Variants in LAMC2 observed in about 807,000 individuals in gnomAD.
LAMC2 encodes the protein laminin subunit gamma-2.
Under a neutral mutation model 140.2 loss-of-function variants are expected in LAMC2, and 97 were observed. The observed-to-expected ratio is 0.69, with a 90% CI of 0.59 to 0.82. The LOEUF (loss-of-function observed/expected upper bound fraction) is 0.82, where lower values mean the gene tolerates loss of function less well. Ranked by LOEUF, LAMC2 falls within the 40% of genes least tolerant of loss-of-function variation. The pLI is 0.00. For missense variants in LAMC2, 1,402 were observed against 1,476.1 expected (o/e 0.95, Z 0.82); for synonymous variants, 513 against 540.2 (o/e 0.95, Z 0.70).
intron 1 of LAMC2, among the ~76,000 whole-genome samples, chr1:183,196,894 G>A (rs2102174725): frequency 6.6e-6 from 1 of 152,338 alleles, no homozygotes; most frequent in South Asian, 2.1e-4. Context: ...GTATGTGAAT[G>A]AATGGAAGAG....
chr1:183,223,988 A>G (rs1272821458), intron 7 of LAMC2, among the ~76,000 whole-genome samples: 1 of 152,166 alleles, frequency 6.6e-6, no homozygotes. Flanking sequence ...ATAAAGATGG[A>G]ACATGGTCTT....
chr1:183,238,221 C>T (rs1282408943), intron 18 of LAMC2, 86 bp from the exon 19 acceptor site: 11 of 953,254 alleles, frequency 1.2e-5, no homozygotes, highest in Non-Finnish European at 1.7e-5. Context: ...TCACAATGAT[C>T]TGCTGTCATG....
chr1:183,252,773 A>C, the LAMC2 span: 17 of 1,530,126 alleles, frequency 1.1e-5, no homozygotes, highest in South Asian at 4.5e-5. Flanking sequence ...AATCAGATGG[A>C]CATCCACACC....
At position 183,244,576 on chromosome 1, in the gene LAMC2, A is replaced by G. The variant is rs970620137; in HGVS notation, c.*1176A>G. Reference sequence around the variant, plus strand: ...TAAACTTACAAACTTTGTTTGTCACAAGTGGTGTTTATTGCAATAACCGCT... The same window carrying G: ...TAAACTTACAAACTTTGTTTGTCACGAGTGGTGTTTATTGCAATAACCGCT... On this transcript the variant is annotated 3_prime_UTR_variant, in exon 23 of 23. Coordinates refer to ENST00000264144, the MANE Select transcript of LAMC2 (RefSeq NM_005562.3). The G allele has an allele frequency of 6.5e-6, 1 of 152,676 alleles. No homozygotes were observed. Among genetic ancestry groups the G allele is most frequent in the Admixed American group, 6.5e-5 (1 of 15,284 alleles). 9.5% of individuals were successfully genotyped at this position (152,676 alleles called of 1,614,324 possible).
At chr1:183,248,186 A>G (rs1660278651), downstream of LAMC2, 1 of 152,696 alleles carries the variant, frequency 6.5e-6, no homozygotes, top group Non-Finnish European at 1.5e-5. Flanking sequence ...ATGAAGAAAA[A>G]GTGATTAATG....
intron 2 of LAMC2, among the ~76,000 whole-genome samples, chr1:183,210,794 G>A (rs1445855192): frequency 6.6e-6 from 1 of 152,232 alleles, no homozygotes; most frequent in Non-Finnish European, 1.5e-5. Context: ...AAGAGATGAA[G>A]AAACTGAACT....
At chr1:183,195,017 A>C (rs185506637) in intron 1 of LAMC2, among the ~76,000 whole-genome samples, 1 of 152,184 alleles carries the variant, frequency 6.6e-6, no homozygotes, top group Non-Finnish European at 1.5e-5. Flanking sequence ...AGTGCCAGCT[A>C]TAACTCTAAT....
At chr1:183,222,984 C>A in intron 6 of LAMC2, 151 bp from the exon 7 acceptor site, 1 of 690,804 alleles carries the variant, frequency 1.4e-6, no homozygotes, top group Non-Finnish European at 2.6e-6. Flanking sequence ...ATAGCCATGT[C>A]CAGTACCAGG....
At chr1:183,234,243 G>C in intron 14 of LAMC2, 124 bp from the exon 15 acceptor site, 1 of 738,000 alleles carries the variant, frequency 1.4e-6, no homozygotes, top group South Asian at 1.5e-5. Context: ...GTAAGTGTCA[G>C]GGTGTGGAAC....
chr1:183,217,970 TAGC>T (rs1289853463), intron 3 of LAMC2, among the ~76,000 whole-genome samples: 4 of 152,332 alleles, frequency 2.6e-5, no homozygotes, highest in African/African-American at 9.6e-5. Context: ...TGGAATAAAA[TAGC>T]AGGTAGATGG....
intron 1 of LAMC2, among the ~76,000 whole-genome samples, chr1:183,197,558 C>T (rs976625963): frequency 1.3e-5 from 2 of 152,050 alleles, no homozygotes; most frequent in African/African-American, 2.4e-5. Flanking sequence ...CGCCTATAGT[C>T]CCAGCTACTT....
At position 183,241,508 on chromosome 1, in the gene LAMC2, T is replaced by G. The variant is rs186423476; in HGVS notation, c.3328+1117T>G. 6.6e-4 allele frequency among the ~76,000 whole-genome samples: 101 copies of G among 152,300 alleles called. 1 individual carries two copies. The highest frequency in any genetic ancestry group is 6.1e-3 in the Admixed American group (93 of 15,298). On this transcript the variant is annotated intron_variant, in intron 22 of 22. Coordinates refer to ENST00000264144, the MANE Select transcript of LAMC2 (RefSeq NM_005562.3). ...TTTTGGTTAAATTTCTGGATTTAGG[T>G]AGAGCTGATATCAAACCCTCATTTG... is the stretch of plus-strand genomic sequence containing the variant.
At chr1:183,222,360 G>A in intron 6 of LAMC2, 149 bp downstream of exon 6, 1 of 824,134 alleles carries the variant, frequency 1.2e-6, no homozygotes, top group Admixed American at 1.9e-5. Flanking sequence ...AAGAGAGATG[G>A]GGGCTAAGCC....
chr1:183,249,694 T>TGC (rs1660323014), downstream of LAMC2: 1 of 137,930 alleles, frequency 7.3e-6, no homozygotes, highest in Non-Finnish European at 1.5e-5. Flanking sequence ...TGTGTGTGTG[T>TGC]GTGTGTGTGT....
intron 1 of LAMC2, among the ~76,000 whole-genome samples, chr1:183,204,758 G>T (rs988085678): frequency 8.5e-5 from 13 of 152,150 alleles, no homozygotes; most frequent in Admixed American, 7.9e-4. Flanking sequence ...TGAAAAGATT[G>T]CTCTGAATAA....
chr1:183,219,483 G>A (rs1460761780), intron 4 of LAMC2, among the ~76,000 whole-genome samples: 1 of 152,120 alleles, frequency 6.6e-6, no homozygotes, highest in African/African-American at 2.4e-5. Context: ...CTCCTCCCTA[G>A]AAGTGACCAC....
chr1:183,207,862 TTGTA>T lies in LAMC2; in HGVS notation c.80-16_80-13del. The T allele has an allele frequency of 6.3e-7, 1 of 1,599,582 alleles. No homozygotes were observed. Among genetic ancestry groups the T allele is most frequent in the Non-Finnish European group, 8.6e-7 (1 of 1,167,914 alleles). On this transcript the variant is annotated splice_polypyrimidine_tract_variant and intron_variant, in intron 1 of 22. Coordinates refer to ENST00000264144, the MANE Select transcript of LAMC2 (RefSeq NM_005562.3). ...TTTTTTTTTTTTTTGACGATCTCTT[TTGTA>T]TGCTTCCTCCCCAGTCTGTGATTGC... is the stretch of plus-strand genomic sequence containing the variant.
At chr1:183,257,419 C>A in the LAMC2 span, among the ~76,000 whole-genome samples, 1 of 152,016 alleles carries the variant, frequency 6.6e-6, no homozygotes, top group Non-Finnish European at 1.5e-5. Context: ...CCAGCCTGGG[C>A]GACAGAGTGA....
At position 183,228,823 on chromosome 1, in the gene LAMC2, A is replaced by G. The variant is rs1659713673; in HGVS notation, c.1714+204A>G. Among the ~76,000 whole-genome samples, 1 of 152,214 alleles carries G rather than the reference A, an allele frequency of 6.6e-6. No homozygotes were observed. Among genetic ancestry groups the G allele is most frequent in the African/African-American group, 2.4e-5 (1 of 41,460 alleles). On this transcript the variant is annotated intron_variant, in intron 11 of 22. Transcript: ENST00000264144. This position sits in a 1 kb window ranked among gnomAD's most constrained non-coding sequence, Gnocchi z 4.3. ...ACCCTGTAGCCAGGCTCTGGAAGAC[A>G]GAGCTGGGTTAAAGCTGGGTGGGAG...
Sources: allele counts gnomAD v4.1 joint callset (sites outside exome capture counted in the v4.1 genomes callset), GRCh38; gene constraint gnomAD v4.1.1; non-coding constraint Gnocchi (gnomAD v3.1); transcripts MANE v1.5; gene names NCBI Gene and HGNC (gene_info 2026-07-23, HGNC 2026-07-21).